Variants in MYO3A observed in about 807,000 individuals in gnomAD.
MYO3A encodes myosin-IIIa.
A neutral mutation model predicts 192.7 loss-of-function variants in MYO3A; 180 were observed. The observed-to-expected ratio is 0.93, with a 90% CI of 0.83 to 1.06. The LOEUF is 1.06. Ranked by LOEUF, MYO3A falls within the 50% of genes least tolerant of loss-of-function variation. The pLI is 0.00. For synonymous variants in MYO3A, 628 were observed against 645.3 expected (o/e 0.97, Z 0.41); for missense variants, 1,896 against 1,905.0 (o/e 1.00, Z 0.09).
chr10:26,120,605 C>T, intron 17 of MYO3A, 71 bp from the exon 18 acceptor site: 2 of 1,599,954 alleles, frequency 1.3e-6, no homozygotes, highest in Non-Finnish European at 8.5e-7. Context: ...TCCAGTCTGT[C>T]CCCAGCCATA....
intron 20 of MYO3A, among the ~76,000 whole-genome samples, chr10:26,131,391 G>C (rs1589009904): frequency 6.6e-6 from 1 of 151,988 alleles, no homozygotes; most frequent in African/African-American, 2.4e-5. Context: ...CCAATCTATA[G>C]CATGCAGAGT....
chr10:26,162,953 C>T (rs1841552866), intron 26 of MYO3A, among the ~76,000 whole-genome samples: 1 of 152,218 alleles, frequency 6.6e-6, no homozygotes, highest in Admixed American at 6.5e-5. Context: ...AGTAGGTCTT[C>T]CTTAAGGAAA....
chr10:26,091,739 G>A (rs905177295), intron 15 of MYO3A, among the ~76,000 whole-genome samples: 3 of 152,176 alleles, frequency 2.0e-5, no homozygotes, highest in African/African-American at 7.2e-5. Flanking sequence ...TTAAAAGTGA[G>A]AAACTAAGAG....
chr10:26,160,889 G>A (rs904030688), intron 26 of MYO3A, among the ~76,000 whole-genome samples: 1 of 152,140 alleles, frequency 6.6e-6, no homozygotes, highest in African/African-American at 2.4e-5. Flanking sequence ...TAATCTTATA[G>A]CTTGAAAAAT....
intron 17 of MYO3A, among the ~76,000 whole-genome samples, chr10:26,112,958 A>G (rs1008331207): frequency 1.3e-5 from 2 of 152,144 alleles, no homozygotes; most frequent in Non-Finnish European, 1.5e-5. Context: ...GGTTTTTTGC[A>G]CAAATTTATG....
chr10:25,955,059 G>T, intron 4 of MYO3A, 51 bp downstream of exon 4: 2 of 1,593,564 alleles, frequency 1.3e-6, no homozygotes, highest in South Asian at 1.1e-5. Flanking sequence ...GTGTGGTTCT[G>T]AAATGACTTG....
At chr10:26,182,174 A>G (rs1842645590) in intron 31 of MYO3A, among the ~76,000 whole-genome samples, 1 of 152,220 alleles carries the variant, frequency 6.6e-6, no homozygotes, top group African/African-American at 2.4e-5. Context: ...TCTCCAGTAT[A>G]GCGGATACTC....
intron 32 of MYO3A, among the ~76,000 whole-genome samples, chr10:26,193,770 C>A (rs1843267995): frequency 6.6e-6 from 1 of 152,168 alleles, no homozygotes; most frequent in South Asian, 2.1e-4. Flanking sequence ...GATAGCTAAT[C>A]CTGGAAATAT....
chr10:26,137,873 A>ATTTGAGGTCAGACTG (rs1357096930), intron 20 of MYO3A, among the ~76,000 whole-genome samples: 1 of 152,118 alleles, frequency 6.6e-6, no homozygotes, highest in Non-Finnish European at 1.5e-5. Context: ...ACCCTGGTAA[A>ATTTGAGGTCAGACTG]TTTGAGGTCA....
rs186835496 is a variant in MYO3A at position 25,947,699 on chromosome 10, G to T, written c.-17-4395G>T. ...TGAGCCACTGCGCCTGGCAAAGATG[G>T]TATTATTTCTTTGGAAAATATTTGA... On this transcript the variant is annotated intron_variant, in intron 2 of 34. Coordinates refer to ENST00000642920, the MANE Select transcript of MYO3A (RefSeq NM_017433.5). Among the ~76,000 whole-genome samples the T allele has an allele frequency of 1.6e-3, 246 of 152,018 alleles. 4 individuals carry two copies. The highest frequency in any genetic ancestry group is 5.9e-3 in the African/African-American group (243 of 41,486).
rs1287378231 is a variant in MYO3A at position 26,009,019 on chromosome 10, A to T, written c.509-7801A>T. 4.6e-5 allele frequency among the ~76,000 whole-genome samples: 7 copies of T among 152,140 alleles called. No homozygotes were observed. The East Asian group carries it at 1.3e-3, about 29-fold the overall frequency. On this transcript the variant is annotated intron_variant, in intron 6 of 34. Coordinates refer to ENST00000642920, the MANE Select transcript of MYO3A (RefSeq NM_017433.5). ...ATAGACTGGATTAAGAAAATGTGAC[A>T]CATATACACCATGGAATACTATGCA...
intron 4 of MYO3A, among the ~76,000 whole-genome samples, chr10:25,961,167 A>G (rs1564407179): frequency 6.6e-6 from 1 of 152,140 alleles, no homozygotes; most frequent in East Asian, 1.9e-4. Flanking sequence ...CATGTATAGA[A>G]TCATTGGCAG....
chr10:26,021,028 T>C (rs1164009860), intron 7 of MYO3A, among the ~76,000 whole-genome samples: 1 of 152,236 alleles, frequency 6.6e-6, no homozygotes, highest in Non-Finnish European at 1.5e-5. Context: ...TAGCCTTGCC[T>C]TCTAGTTGCC....
At chr10:26,205,835 G>C (rs1843906886) in intron 34 of MYO3A, among the ~76,000 whole-genome samples, 2 of 151,756 alleles carry the variant, frequency 1.3e-5, no homozygotes, top group South Asian at 4.2e-4. Flanking sequence ...TAGCCAGGAT[G>C]GTCTCGATCT....
At chr10:25,973,788 A>C (rs1234259105) in intron 4 of MYO3A, among the ~76,000 whole-genome samples, 2 of 152,210 alleles carry the variant, frequency 1.3e-5, no homozygotes, top group Admixed American at 1.3e-4. Context: ...ATAACACCAC[A>C]CATGTACAAC....
chr10:25,942,035 T>C (rs2130826913), intron 2 of MYO3A, among the ~76,000 whole-genome samples: 1 of 151,430 alleles, frequency 6.6e-6, no homozygotes, highest in African/African-American at 2.4e-5. Flanking sequence ...GGAGTCTCTC[T>C]CTGTCGCACA....
In MYO3A at chr10:26,166,094, C is replaced by T. The variant is rs141341808; in HGVS notation, c.3027C>T (p.Ser1009=). 169 of 1,613,990 alleles carry T rather than the reference C, an allele frequency of 1.0e-4. No homozygotes were observed. Among genetic ancestry groups the T allele is most frequent in the Non-Finnish European group, 1.3e-4 (156 of 1,180,016 alleles). ...KRYYLLCYKS[S]EEPRMSPDTC... ...ACTACCTTCTCTGCTACAAGTCGAG[C>T]GAGGAGCCCCGCATGAGCCCTGACA... The change falls in exon 27 of 35, where the codon AGC becomes AGT. Residue 1009 remains serine (S), a synonymous_variant. Transcript: ENST00000642920.
At position 26,167,840 on chromosome 10, in the gene MYO3A, A is replaced by C. The variant is rs571331974; in HGVS notation, c.3112-872A>C. Among the ~76,000 whole-genome samples, 3 of 152,340 alleles carry C rather than the reference A, an allele frequency of 2.0e-5. No individual in the cohort carries two copies. The East Asian group carries it at 5.8e-4, about 29-fold the overall frequency. On this transcript the variant is annotated intron_variant, in intron 27 of 34. Transcript: ENST00000642920. The stretch of plus-strand genomic sequence containing the variant: ...GGAACACTGAGAGAATTCTACAGTC[A>C]GGGTTATCAGGTCTCATGACTCAGC...
At position 26,212,159 on chromosome 10, in the gene MYO3A, T is replaced by G; in HGVS notation, c.*196T>G. On this transcript the variant is annotated 3_prime_UTR_variant, in exon 35 of 35. Transcript: ENST00000642920. ...TCCGAAACAAGAGACCTGGGAGCCC[T>G]CGGGAAACCTCCCCCGACGCTCTCT... is the stretch of plus-strand genomic sequence containing the variant. 1.3e-6 allele frequency: 1 copy of G among 744,286 alleles called. No individual in the cohort carries two copies. Among genetic ancestry groups the G allele is most frequent in the Non-Finnish European group, 2.1e-6 (1 of 485,512 alleles). 46.1% of individuals were successfully genotyped at this position (744,286 alleles called of 1,614,324 possible).
Sources: gnomAD v4.1 joint callset for allele counts (sites outside exome capture counted in the v4.1 genomes callset) on GRCh38, gnomAD v4.1.1 for gene constraint, MANE v1.5 for transcripts, NCBI Gene and HGNC (gene_info 2026-07-23, HGNC 2026-07-21) for gene names.